Variants in ZNF697 observed in about 807,000 individuals in gnomAD.
ZNF697 encodes the protein zinc finger protein 697.
A neutral mutation model predicts 32.4 loss-of-function variants in ZNF697; 23 were observed. That is an observed-to-expected ratio of 0.71 (90% CI 0.51 to 1.01). The LOEUF is 1.01. Among genes scored for constraint, ZNF697 ranks in the 50% least tolerant of loss-of-function variants. The pLI, the probability that ZNF697 is intolerant of heterozygous loss-of-function variation, is 0.00. For missense variants in ZNF697, 930 were observed against 794.0 expected (o/e 1.17, Z -2.06); for synonymous variants, 418 against 337.2 (o/e 1.24, Z -2.62).
In ZNF697 at chr1:119,624,058, G is replaced by C. The variant is rs12067843; in HGVS notation, c.285C>G (p.Ser95=). 3 of 1,608,070 alleles carry C rather than the reference G, an allele frequency of 1.9e-6. No individual in the cohort carries two copies. The highest frequency in any genetic ancestry group is 2.5e-6 in the Non-Finnish European group (3 of 1,177,000). Residue 95 remains serine (S), a synonymous_variant, in exon 3 of 3, where the codon TCC becomes TCG. Transcript: ENST00000421812. Reference sequence around the variant, plus strand: ...GGAACATCGCCATGTCAGCTACACCGGATTGGTCATCCTCTTCCCCACGGA... The same window carrying C: ...GGAACATCGCCATGTCAGCTACACCCGATTGGTCATCCTCTTCCCCACGGA... ...VSVRGEEDDQ[S]GVADMAMFPG...
rs995793731 is a variant in ZNF697, at chr1:119,623,707, G to T, written c.636C>A (p.Arg212=). The change falls in exon 3 of 3, where the codon CGC becomes CGA. Residue 212 remains arginine (R), a synonymous_variant. Transcript: ENST00000421812. Reference sequence around the variant, plus strand: ...TGGCGGCGGCAGCGGCCTCAGCCAGGCGGTGAATGCGCTGGTGCTGCAGGA... The same window carrying T: ...TGGCGGCGGCAGCGGCCTCAGCCAGTCGGTGAATGCGCTGGTGCTGCAGGA... ...AAFLQHQRIH[R]LAEAAAAASL... 13 of 1,534,594 alleles carry T rather than the reference G, an allele frequency of 8.5e-6. No homozygotes were observed. The African/African-American group carries it at 1.8e-4, about 21-fold the overall frequency.
chr1:119,642,663 C>T (rs587666162), intron 1 of ZNF697, among the ~76,000 whole-genome samples: 1 of 152,026 alleles, frequency 6.6e-6, no homozygotes. Flanking sequence ...ATTTTAGGAA[C>T]AAATTAAAAT....
rs753814585 is a variant in ZNF697 at position 119,624,010 on chromosome 1, G to A, written c.333C>T (p.Ser111=). The A allele has an allele frequency of 6.2e-7, 1 of 1,613,156 alleles. No homozygotes were observed. The highest frequency in any genetic ancestry group is 8.5e-7 in the Non-Finnish European group (1 of 1,179,640). The stretch of plus-strand genomic sequence containing the variant: ...CGTCCTCCCGGAGGCTCCGGGATAT[G>A]CTGTCAGACTCAGACAGTCCTGGGA... ...AMFPGLSESD[S]ISRSLREDDD... Residue 111 remains serine, a synonymous_variant, in exon 3 of 3, where the codon AGC becomes AGT. Transcript: ENST00000421812.
In ZNF697 at chr1:119,622,669, G is replaced by C. The variant is rs1346910993; in HGVS notation, c.*36C>G. 1 of 1,475,822 alleles carries C rather than the reference G, an allele frequency of 6.8e-7. No individual in the cohort carries two copies. Among genetic ancestry groups the C allele is most frequent in the African/African-American group, 1.4e-5 (1 of 71,188 alleles). The allele number at this position is 1,475,822 out of a possible 1,614,324, so 91.4% of individuals were successfully genotyped here. A position where few individuals can be genotyped will look rare whatever the true frequency, so the allele number is the denominator to read the frequency against. On this transcript the variant is annotated 3_prime_UTR_variant, in exon 3 of 3. Coordinates refer to ENST00000421812, the MANE Select transcript of ZNF697 (RefSeq NM_001080470.2). ...AGTCCCAGGATATCTACCCCCCACA[G>C]GCTCCCCAGACGGCAGCCTCCCGCG...
At chr1:119,626,692 T>C (rs1050091468) in intron 1 of ZNF697, among the ~76,000 whole-genome samples, 1 of 152,190 alleles carries the variant, frequency 6.6e-6, no homozygotes, top group African/African-American at 2.4e-5. Context: ...ACAAGAATAA[T>C]AGAAGCATCA....
At position 119,620,957 on chromosome 1, in the gene ZNF697, AGAG is replaced by A. The variant is rs1557931526; in HGVS notation, c.*1745_*1747del. 6.7e-6 allele frequency: 1 copy of A among 150,364 alleles called. No homozygotes were observed. The highest frequency in any genetic ancestry group is 1.5e-5 in the Non-Finnish European group (1 of 68,018). 9.3% of individuals were successfully genotyped at this position (150,364 alleles called of 1,614,324 possible). A position where few individuals can be genotyped will look rare whatever the true frequency, so the allele number is the denominator to read the frequency against. ...TGAAATGTGTAGGGTAACAATCACTAGAGAAGAAAACAATACTGCTTTCCACAA... is the reference window on the plus strand; with the variant it reads ...TGAAATGTGTAGGGTAACAATCACTAAAGAAAACAATACTGCTTTCCACAA... On this transcript the variant is annotated 3_prime_UTR_variant, in exon 3 of 3. Coordinates refer to ENST00000421812, the MANE Select transcript of ZNF697 (RefSeq NM_001080470.2).
In ZNF697 at chr1:119,622,165, A is replaced by C. The variant is rs978713576; in HGVS notation, c.*540T>G. ...CTAACTGTGGCTCAGAGAAAGGAAA[A>C]GTACATTAAATATCCTGTCCTATGT... On this transcript the variant is annotated 3_prime_UTR_variant, in exon 3 of 3. Transcript: ENST00000421812. The C allele has an allele frequency of 1.3e-5, 2 of 152,786 alleles. No individual in the cohort carries two copies. The highest frequency in any genetic ancestry group is 4.8e-5 in the African/African-American group (2 of 41,428). The allele number at this position is 152,786 out of a possible 1,614,324, so 9.5% of individuals were successfully genotyped here.
rs1247792257 is a variant in ZNF697 at position 119,624,149 on chromosome 1, C to T, written c.227-33G>A. 2.0e-6 allele frequency: 3 copies of T among 1,519,690 alleles called. No individual in the cohort carries two copies. The South Asian group carries it at 4.0e-5, about 20-fold the overall frequency. 94.1% of individuals were successfully genotyped at this position (1,519,690 alleles called of 1,614,324 possible). ...AGAAAAAGGTGGCAGTGGGGGATTA[C>T]TATACTTGGCATTCAAAAGATAAGC... On this transcript the variant is annotated intron_variant, in intron 2 of 2. Coordinates refer to ENST00000421812, the MANE Select transcript of ZNF697 (RefSeq NM_001080470.2).
intron 1 of ZNF697, among the ~76,000 whole-genome samples, chr1:119,642,890 A>G (rs1649115651): frequency 2.0e-5 from 3 of 152,218 alleles, no homozygotes; most frequent in Admixed American, 2.0e-4. Context: ...AAAACTAGCA[A>G]AACAAAAATA....
At chr1:119,632,765 A>T (rs1406769581) in intron 1 of ZNF697, among the ~76,000 whole-genome samples, 2 of 152,220 alleles carry the variant, frequency 1.3e-5, no homozygotes, top group Non-Finnish European at 2.9e-5. Context: ...AAGTGCCCTC[A>T]AAGTTAGACT....
chr1:119,628,995 A>G (rs1243822434), intron 1 of ZNF697, among the ~76,000 whole-genome samples: 1 of 152,222 alleles, frequency 6.6e-6, no homozygotes, highest in East Asian at 1.9e-4. Context: ...AACCTAATAA[A>G]GTAGGATATT....
intron 1 of ZNF697, among the ~76,000 whole-genome samples, chr1:119,646,311 C>G (rs1649200504): frequency 7.2e-6 from 1 of 138,098 alleles, no homozygotes; most frequent in Non-Finnish European, 1.5e-5. Context: ...TTAACAACAA[C>G]CCCCACTTCC....
At position 119,637,284 on chromosome 1, in the gene ZNF697, G is replaced by T. The variant is rs113677755; in HGVS notation, c.-38+10407C>A. Among the ~76,000 whole-genome samples the T allele has an allele frequency of 5.6e-3, 853 of 152,346 alleles. 5 individuals are homozygous for T. The highest frequency in any genetic ancestry group is 0.02 in the African/African-American group (823 of 41,582). Reference sequence around the variant, plus strand: ...ACTGCACCATGGGATCAAGGACTCAGTTCATCCAATGTGACCCATTACTAC... The same window carrying T: ...ACTGCACCATGGGATCAAGGACTCATTTCATCCAATGTGACCCATTACTAC... On this transcript the variant is annotated intron_variant, in intron 1 of 2. Transcript: ENST00000421812.
rs865831987 is a variant in ZNF697, at chr1:119,623,443, C to T, written c.900G>A (p.Trp300Ter). 11 of 1,547,084 alleles carry T rather than the reference C, an allele frequency of 7.1e-6. No individual in the cohort carries two copies. The highest frequency in any genetic ancestry group is 2.6e-5 in the East Asian group (1 of 39,108). Residue 300 changes from tryptophan (W) to a stop codon, truncating the protein, a stop_gained, in exon 3 of 3, where the codon TGG (tryptophan) becomes TGA (stop). Coordinates refer to ENST00000421812, the MANE Select transcript of ZNF697 (RefSeq NM_001080470.2). LOFTEE classifies it high-confidence loss of function. ...LCADCGKSFS[W>*]RADLLKHRRL... Reference sequence around the variant, plus strand: ...GCCGGTGCTTGAGCAGGTCGGCGCGCCAGCTGAAGCTCTTGCCGCAGTCGG... The same window carrying T: ...GCCGGTGCTTGAGCAGGTCGGCGCGTCAGCTGAAGCTCTTGCCGCAGTCGG...
intron 1 of ZNF697, among the ~76,000 whole-genome samples, chr1:119,629,683 A>C (rs1411688645): frequency 1.3e-5 from 2 of 152,238 alleles, no homozygotes; most frequent in African/African-American, 4.8e-5. Flanking sequence ...GGTAGTTATT[A>C]CTATGATGAA....
Position 119,648,174 on chromosome 1 carries a change from G to GCCGCTGGGTGGC in ZNF697, c.-533_-522dup, listed in dbSNP as rs1649269367. 6.8e-6 allele frequency among the ~76,000 whole-genome samples: 1 copy of GCCGCTGGGTGGC among 147,718 alleles called. No homozygotes were observed. Among genetic ancestry groups the GCCGCTGGGTGGC allele is most frequent in the African/African-American group, 2.5e-5 (1 of 40,748 alleles). Reference sequence around the variant, plus strand: ...TTGTGCGGCGGCGGCGGCTGCAGCGGCCGCTGGGTGGCCCGCTGGCTGGCT... The same window carrying GCCGCTGGGTGGC: ...TTGTGCGGCGGCGGCGGCTGCAGCGGCCGCTGGGTGGCCCGCTGGGTGGCCCGCTGGCTGGCT... On this transcript the variant is annotated 5_prime_UTR_variant, in exon 1 of 3. Coordinates refer to ENST00000421812, the MANE Select transcript of ZNF697 (RefSeq NM_001080470.2).
chr1:119,622,417 T>TCCTCAAA lies in ZNF697; in HGVS notation c.*287_*288insTTTGAGG. ...GCCCACGAACTGCCCTTCCTCAAAG[T>TCCTCAAA]GCCTGGTCCTCCAAGCTCTTCACCC... is the stretch of plus-strand genomic sequence containing the variant. On this transcript the variant is annotated 3_prime_UTR_variant, in exon 3 of 3. Transcript: ENST00000421812. 1 of 402,508 alleles carries TCCTCAAA rather than the reference T, an allele frequency of 2.5e-6. No homozygotes were observed. Among genetic ancestry groups the TCCTCAAA allele is most frequent in the Non-Finnish European group, 4.2e-6 (1 of 239,906 alleles). 24.9% of individuals were successfully genotyped at this position (402,508 alleles called of 1,614,324 possible).
At position 119,630,628 on chromosome 1, in the gene ZNF697, T is replaced by A. The variant is rs1648733716; in HGVS notation, c.-37-4491A>T. Reference sequence around the variant, plus strand: ...GACACTGCTACAGAGCAGAGGTGAATGTGATAAAGTGTCTCTAAAAAGAGA... The same window carrying A: ...GACACTGCTACAGAGCAGAGGTGAAAGTGATAAAGTGTCTCTAAAAAGAGA... On this transcript the variant is annotated intron_variant, in intron 1 of 2. Coordinates refer to ENST00000421812, the MANE Select transcript of ZNF697 (RefSeq NM_001080470.2). Among the ~76,000 whole-genome samples the A allele has an allele frequency of 2.6e-5, 4 of 152,266 alleles. No homozygotes were observed. The South Asian group carries it at 8.3e-4, about 32-fold the overall frequency.
At position 119,622,653 on chromosome 1, in the gene ZNF697, A is replaced by T. The variant is rs969984694; in HGVS notation, c.*52T>A. 8 of 1,460,184 alleles carry T rather than the reference A, an allele frequency of 5.5e-6. No homozygotes were observed. Among genetic ancestry groups the T allele is most frequent in the Non-Finnish European group, 7.2e-6 (8 of 1,107,794 alleles). The allele number at this position is 1,460,184 out of a possible 1,614,324, so 90.5% of individuals were successfully genotyped here. ...TTCCTTCCCCTGGGTCAGTCCCAGG[A>T]TATCTACCCCCCACAGGCTCCCCAG... On this transcript the variant is annotated 3_prime_UTR_variant, in exon 3 of 3. Coordinates refer to ENST00000421812, the MANE Select transcript of ZNF697 (RefSeq NM_001080470.2).
Sources: gnomAD v4.1 joint callset for allele counts (sites outside exome capture counted in the v4.1 genomes callset) on GRCh38, gnomAD v4.1.1 for gene constraint, MANE v1.5 for transcripts, NCBI Gene and HGNC (gene_info 2026-07-23, HGNC 2026-07-21) for gene names.